Variants in TPP2 observed in about 807,000 individuals in gnomAD.
TPP2 encodes the protein tripeptidyl peptidase 2.
A neutral mutation model predicts 155.9 loss-of-function variants in TPP2; 34 were observed. The ratio of observed to expected loss-of-function variants is 0.22; its 90% confidence interval spans 0.17 to 0.29. The LOEUF (loss-of-function observed/expected upper bound fraction) is 0.29, where lower values mean the gene tolerates loss of function less well. Among genes scored for constraint, TPP2 ranks in the 10% least tolerant of loss-of-function variants. The pLI, the probability that TPP2 is intolerant of heterozygous loss-of-function variation, is 1.00. For missense variants in TPP2, 1,028 were observed against 1,522.3 expected (o/e 0.68, Z 5.40); for synonymous variants, 510 against 529.4 (o/e 0.96, Z 0.50).
intron 27 of TPP2, among the ~76,000 whole-genome samples, chr13:102,669,019 A>C (rs1311316592): frequency 6.6e-6 from 1 of 152,140 alleles, no homozygotes; most frequent in Non-Finnish European, 1.5e-5. Context: ...TCCAAAGAGG[A>C]CCTGAGGGGG....
intron 6 of TPP2, among the ~76,000 whole-genome samples, chr13:102,626,449 G>GT (rs1231363837): frequency 4.6e-5 from 7 of 152,182 alleles, no homozygotes; most frequent in African/African-American, 1.4e-4. Context: ...TATAAACAGT[G>GT]TTGCCATGAA....
intron 25 of TPP2, among the ~76,000 whole-genome samples, chr13:102,663,136 TTTAA>T (rs1884348459): frequency 3.0e-5 from 3 of 100,880 alleles, no homozygotes; most frequent in South Asian, 2.8e-4. Flanking sequence ...ATTTATTTTT[TTTAA>T]TTAATTAATT....
At chr13:102,641,658 A>G (rs1253944555) in intron 16 of TPP2, among the ~76,000 whole-genome samples, 4 of 152,140 alleles carry the variant, frequency 2.6e-5, no homozygotes, top group Admixed American at 6.5e-5. Flanking sequence ...CTGGTATCAC[A>G]GGAAATACCA....
intron 15 of TPP2, 128 bp downstream of exon 15, chr13:102,638,443 C>G: frequency 1.0e-6 from 1 of 990,182 alleles, no homozygotes; most frequent in South Asian, 1.4e-5. Context: ...TAGTTCTGCT[C>G]CCAGCTAGCA....
chr13:102,618,169 G>A (rs1880889768), intron 4 of TPP2, among the ~76,000 whole-genome samples: 1 of 152,040 alleles, frequency 6.6e-6, no homozygotes, highest in Non-Finnish European at 1.5e-5. Flanking sequence ...AAAGCACTTG[G>A]TTTTATTCAT....
At chr13:102,661,727 TACAACTTCAC>T (rs1049099047) in intron 25 of TPP2, among the ~76,000 whole-genome samples, 1 of 152,080 alleles carries the variant, frequency 6.6e-6, no homozygotes, top group Non-Finnish European at 1.5e-5. Flanking sequence ...CACAATGAAA[TACAACTTCAC>T]ACTTACTAGG....
At chr13:102,658,968 A>G (rs1884031420) in intron 25 of TPP2, among the ~76,000 whole-genome samples, 2 of 152,192 alleles carry the variant, frequency 1.3e-5, no homozygotes, top group Admixed American at 1.3e-4. Flanking sequence ...ACCACAGGAG[A>G]GTGCTAAGCT....
intron 24 of TPP2, among the ~76,000 whole-genome samples, chr13:102,654,450 CT>C (rs1883713391): frequency 6.6e-6 from 1 of 152,006 alleles, no homozygotes; most frequent in Non-Finnish European, 1.5e-5. Flanking sequence ...TTTTTTCCCA[CT>C]TTTGATAGGT....
At chr13:102,673,808 A>G (rs969177526) in intron 27 of TPP2, among the ~76,000 whole-genome samples, 1 of 152,264 alleles carries the variant, frequency 6.6e-6, no homozygotes, top group Non-Finnish European at 1.5e-5. Context: ...TTAACATGTT[A>G]AAATGCTGAG....
rs1244070664 is a variant in TPP2 at position 102,644,932 on chromosome 13, C to T, written c.2316C>T (p.Arg772=). ...AGCATGCATCGGAAGGAATCAACCGCTTTGATGTTCAGTCCTCCTTGAAAT... is the reference window on the plus strand; with the variant it reads ...AGCATGCATCGGAAGGAATCAACCGTTTTGATGTTCAGTCCTCCTTGAAAT... ...LNIHASEGIN[R]FDVQSSLKYE... is the part of the protein sequence containing the mutation. The change falls in exon 19 of 30, where the codon CGC becomes CGT. Residue 772 remains arginine (R), a synonymous_variant. Coordinates refer to ENST00000376052, the MANE Select transcript of TPP2 (RefSeq NM_001330588.2). The T allele has an allele frequency of 6.2e-7, 1 of 1,613,998 alleles. No homozygotes were observed. The highest frequency in any genetic ancestry group is 2.2e-5 in the East Asian group (1 of 44,868).
intron 8 of TPP2, 27 bp downstream of exon 8, chr13:102,627,951 C>T (rs377750800): frequency 7.5e-5 from 118 of 1,571,262 alleles, no homozygotes; most frequent in Non-Finnish European, 1.0e-4. Context: ...AGTTGTTTAG[C>T]CATAGAACCT....
At chr13:102,666,740 T>C (rs1213832409) in intron 27 of TPP2, among the ~76,000 whole-genome samples, 1 of 113,122 alleles carries the variant, frequency 8.8e-6, no homozygotes, top group Non-Finnish European at 1.9e-5. Flanking sequence ...TGTTTTCTTA[T>C]TGGTCTTTAT....
intron 25 of TPP2, among the ~76,000 whole-genome samples, chr13:102,657,534 TC>T (rs1382050003): frequency 1.3e-5 from 2 of 152,096 alleles, no homozygotes; most frequent in Admixed American, 6.5e-5. Context: ...ATTATTTTTT[TC>T]CTCTGTGTTT....
intron 23 of TPP2, 59 bp downstream of exon 23, chr13:102,649,545 G>A: frequency 1.4e-6 from 2 of 1,433,940 alleles, no homozygotes; most frequent in Non-Finnish European, 1.9e-6. Flanking sequence ...TTTCTTTAAA[G>A]ATAAGAATTA....
chr13:102,674,203 C>T (rs1393675364), intron 27 of TPP2, 80 bp from the exon 28 acceptor site: 13 of 1,413,788 alleles, frequency 9.2e-6, no homozygotes, highest in Non-Finnish European at 1.2e-5. Context: ...CAAAAGAATA[C>T]ATGAATTTAA....
intron 1 of TPP2, among the ~76,000 whole-genome samples, chr13:102,602,791 G>A (rs138990832): frequency 1.3e-5 from 2 of 152,344 alleles, no homozygotes; most frequent in Non-Finnish European, 2.9e-5. Flanking sequence ...GTCGTAAAGA[G>A]TGTGAATTCT....
chr13:102,664,686 T>G lies in TPP2; in HGVS notation c.3241-109T>G. On this transcript the variant is annotated intron_variant, in intron 26 of 29. Transcript: ENST00000376052. ...CCTGGGCTACAAGTCAATTACATAG[T>G]TTACTCACACTGCAGTTGTAGGTCT... 4.4e-6 allele frequency: 5 copies of G among 1,123,886 alleles called. No individual in the cohort carries two copies. In the South Asian group the frequency reaches 6.8e-5, roughly 15 times the overall value. The allele number at this position is 1,123,886 out of a possible 1,614,324, so 69.6% of individuals were successfully genotyped here.
intron 2 of TPP2, among the ~76,000 whole-genome samples, chr13:102,611,715 C>G (rs147937815): frequency 6.6e-5 from 10 of 152,132 alleles, no homozygotes; most frequent in African/African-American, 2.4e-4. Flanking sequence ...TTTTCTGACC[C>G]CATGATCATA....
intron 24 of TPP2, chr13:102,654,872 T>TA: frequency 2.2e-6 from 1 of 445,572 alleles, no homozygotes; most frequent in South Asian, 1.6e-5. Flanking sequence ...ATTTTGCGCT[T>TA]ACCTTGGCTT....
Sources: gnomAD v4.1 joint callset for allele counts (sites outside exome capture counted in the v4.1 genomes callset) on GRCh38, gnomAD v4.1.1 for gene constraint, MANE v1.5 for transcripts, NCBI Gene and HGNC (gene_info 2026-07-23, HGNC 2026-07-21) for gene names.